The following PCDH15 variants were observed in gnomAD, a reference collection of about 807,000 sequenced individuals.
The protein encoded by PCDH15 is protocadherin-15.
Under a neutral mutation model 178.5 loss-of-function variants are expected in PCDH15, and 129 were observed. The ratio of observed to expected loss-of-function variants is 0.72; its 90% confidence interval spans 0.63 to 0.84. PCDH15 has a LOEUF of 0.84. Among genes scored for constraint, PCDH15 ranks in the 40% least tolerant of loss-of-function variants. PCDH15 has a pLI of 0.00. For synonymous variants in PCDH15, 800 were observed against 732.0 expected, an observed-to-expected ratio of 1.09 and a Z score of -1.50; for missense variants, 2,230 against 2,099.9, an observed-to-expected ratio of 1.06 and a Z score of -1.21.
chr10:54,430,059 T>TA (rs1956783636), intron 3 of PCDH15, among the ~76,000 whole-genome samples: 1 of 149,964 alleles, frequency 6.7e-6, no homozygotes, highest in Non-Finnish European at 1.5e-5. Context: ...CTTTTTTTTT[T>TA]TTTTTTTTTT....
At chr10:54,409,580 A>G (rs1221164171) in intron 3 of PCDH15, among the ~76,000 whole-genome samples, 2 of 152,098 alleles carry the variant, frequency 1.3e-5, no homozygotes, top group African/African-American at 4.8e-5. Context: ...AAAATACTAT[A>G]GTGGTATTCA....
chr10:54,066,680 C>A (rs969900163), intron 18 of PCDH15, 77 bp downstream of exon 18: 2 of 1,469,620 alleles, frequency 1.4e-6, no homozygotes, highest in African/African-American at 2.8e-5. Flanking sequence ...AGCTGAGTTT[C>A]TTTTGAGAAT....
intron 23 of PCDH15, among the ~76,000 whole-genome samples, chr10:53,943,788 C>A (rs140882843): frequency 1.3e-5 from 2 of 152,214 alleles, no homozygotes; most frequent in Admixed American, 1.3e-4. Flanking sequence ...AGAACTAAAA[C>A]ACTATACAAA....
chr10:53,948,310 A>G (rs1314069043), intron 23 of PCDH15, among the ~76,000 whole-genome samples: 1 of 152,170 alleles, frequency 6.6e-6, no homozygotes, highest in Non-Finnish European at 1.5e-5. Context: ...CTCTCGCTTG[A>G]AAATTTACAA....
chr10:54,223,178 G>T (rs2053042070), intron 9 of PCDH15, among the ~76,000 whole-genome samples: 1 of 151,544 alleles, frequency 6.6e-6, no homozygotes, highest in African/African-American at 2.4e-5. Context: ...AGGCATGGTG[G>T]CACTTGCCTG....
Position 54,317,436 on chromosome 10 carries a change from A to C in PCDH15, c.711T>G (p.Arg237=). The C allele has an allele frequency of 6.2e-7, 1 of 1,613,824 alleles. No homozygotes were observed. Among genetic ancestry groups the C allele is most frequent in the Non-Finnish European group, 8.5e-7 (1 of 1,179,832 alleles). Residue 237 remains arginine (R), a synonymous_variant, in exon 8 of 38, where the codon CGT becomes CGG. Coordinates refer to ENST00000644397, the MANE Select transcript of PCDH15 (RefSeq NM_001384140.1). ...TTCGCCTCTCATTCAGATTTTGGGC[A>C]CGGTCCTGTTAGGGAGAAAAACAAA... ...RYFVIIQAND[R]AQNLNERRTT...
chr10:55,277,220 C>A (rs1261845526), intron 1 of PCDH15, among the ~76,000 whole-genome samples: 2 of 151,864 alleles, frequency 1.3e-5, no homozygotes, highest in Non-Finnish European at 2.9e-5. Flanking sequence ...TTCCGGTTGA[C>A]CATCAGTAAA....
At chr10:53,832,232 C>A (rs980962516) in intron 29 of PCDH15, among the ~76,000 whole-genome samples, 1 of 151,906 alleles carries the variant, frequency 6.6e-6, no homozygotes, top group Non-Finnish European at 1.5e-5. Context: ...GTAATTCCTT[C>A]CTCTAAATAA....
intron 28 of PCDH15, among the ~76,000 whole-genome samples, chr10:53,842,358 G>A (rs980062494): frequency 7.2e-5 from 11 of 152,120 alleles, no homozygotes; most frequent in Admixed American, 5.9e-4. Context: ...CCGGGTTCAA[G>A]GGATTCTCCT....
At chr10:54,346,529 C>T in intron 5 of PCDH15, 45 bp from the exon 6 acceptor site, 3 of 1,606,116 alleles carry the variant, frequency 1.9e-6, no homozygotes, top group Non-Finnish European at 2.5e-6. Flanking sequence ...ATTTTATCAA[C>T]TGCACACCAG....
chr10:55,493,342 G>C (rs938600967), intron 2 of PCDH15, among the ~76,000 whole-genome samples: 2 of 151,590 alleles, frequency 1.3e-5, no homozygotes, highest in East Asian at 3.9e-4. Flanking sequence ...GATTGCTTGA[G>C]CTCAAGAGTT....
At chr10:54,018,060 A>G (rs1458909643) in intron 20 of PCDH15, among the ~76,000 whole-genome samples, 1 of 152,134 alleles carries the variant, frequency 6.6e-6, no homozygotes, top group Non-Finnish European at 1.5e-5. Flanking sequence ...GCAACCTAAG[A>G]AAAGTGATGA....
rs544511391 is a variant in PCDH15, at chr10:54,185,036, A to T, written c.1440+98T>A. ...AATGTATTTTTCCCCCAAGTCATTG[A>T]TTTTTTCAGTTTTAACCAGACATCT... On this transcript the variant is annotated intron_variant, in intron 12 of 37. Transcript: ENST00000644397. The T allele has an allele frequency of 2.6e-5, 37 of 1,434,548 alleles. No homozygotes were observed. The East Asian group carries it at 4.0e-4, about 16-fold the overall frequency. 88.9% of individuals were successfully genotyped at this position (1,434,548 alleles called of 1,614,324 possible).
intron 2 of PCDH15, among the ~76,000 whole-genome samples, chr10:55,077,403 C>CTTCCTTCCTTCCTTCCTTCCT (rs1841924714): frequency 2.6e-5 from 1 of 38,572 alleles, no homozygotes; most frequent in African/African-American, 6.4e-5. Flanking sequence ...TTCTCTCTTC[C>CTTCCTTCCTTCCTTCCTTCCT]TTCCTTCCTT....
chr10:55,350,339 C>A (rs150261642), intron 2 of PCDH15, among the ~76,000 whole-genome samples: 179 of 145,426 alleles, frequency 1.2e-3, no homozygotes, highest in African/African-American at 3.8e-3. Context: ...GATCTGAGTA[C>A]TAGGAAGCCT....
At chr10:54,042,420 C>T (rs2093567414) in intron 18 of PCDH15, among the ~76,000 whole-genome samples, 1 of 152,068 alleles carries the variant, frequency 6.6e-6, no homozygotes, top group Non-Finnish European at 1.5e-5. Context: ...AGGGGGTATA[C>T]TTGTTTCTGG....
At position 54,426,895 on chromosome 10, in the gene PCDH15, T is replaced by A. The variant is rs539586389; in HGVS notation, c.158-47953A>T. ...AATTATGGATTATTTAAAATAGTTT[T>A]CCCATGAGTATAAAAAAAAAAAGAA... On this transcript the variant is annotated intron_variant, in intron 3 of 37. Transcript: ENST00000644397. Among the ~76,000 whole-genome samples, 8 of 152,078 alleles carry A rather than the reference T, an allele frequency of 5.3e-5. No individual in the cohort carries two copies. The East Asian group carries it at 1.5e-3, about 29-fold the overall frequency.
intron 1 of PCDH15, among the ~76,000 whole-genome samples, chr10:55,246,966 G>A (rs963708789): frequency 5.9e-5 from 9 of 151,884 alleles, no homozygotes; most frequent in African/African-American, 1.9e-4. Context: ...TTGATATGTA[G>A]GTCTCTGATC....
At chr10:54,091,955 G>A (rs1236474432) in intron 15 of PCDH15, among the ~76,000 whole-genome samples, 3 of 152,142 alleles carry the variant, frequency 2.0e-5, no homozygotes, top group Non-Finnish European at 4.4e-5. Flanking sequence ...GATTTCAGAT[G>A]TGTATCCAAT....
Sources: allele counts gnomAD v4.1 joint callset (sites outside exome capture counted in the v4.1 genomes callset), GRCh38; gene constraint gnomAD v4.1.1; transcripts MANE v1.5; gene names NCBI Gene and HGNC (gene_info 2026-07-23, HGNC 2026-07-21).